The following EIF2B4 variants were observed in gnomAD, a reference collection of about 807,000 sequenced individuals.
EIF2B4 encodes the protein eukaryotic translation initiation factor 2B subunit delta.
EIF2B4 carries 34 observed loss-of-function variants against 66.7 expected under a neutral mutation model. The ratio of observed to expected loss-of-function variants is 0.51; its 90% CI spans 0.39 to 0.68. The LOEUF is 0.68. EIF2B4 is among the 30% of genes least tolerant of loss of function. EIF2B4 has a pLI of 0.00. For synonymous variants in EIF2B4, 278 were observed against 253.6 expected (o/e 1.10, Z -0.92); for missense variants, 618 against 657.9 (o/e 0.94, Z 0.66).
At chr2:27,367,624 T>A (rs968349549) in intron 8 of EIF2B4, 65 bp from the exon 9 acceptor site, 36 of 1,584,892 alleles carry the variant, frequency 2.3e-5, no homozygotes, top group South Asian at 4.4e-5. Flanking sequence ...CCTTCACATT[T>A]AAAAAAAAAG....
At chr2:27,369,851 G>A (rs1295661620) in intron 2 of EIF2B4, 25 bp downstream of exon 2, 1 of 1,563,288 alleles carries the variant, frequency 6.4e-7, no homozygotes, top group East Asian at 2.4e-5. Context: ...CTTGGCAGGC[G>A]GCTTGGGAGG....
At chr2:27,366,461 A>G (rs908636893) in intron 11 of EIF2B4, 5 of 420,942 alleles carry the variant, frequency 1.2e-5, no homozygotes, top group South Asian at 4.4e-5. Context: ...GACAGGGGGA[A>G]CTGCTTGAGC....
chr2:27,369,806 G>C (rs577206974), intron 2 of EIF2B4, 70 bp downstream of exon 2: 1 of 1,517,472 alleles, frequency 6.6e-7, no homozygotes, highest in East Asian at 2.5e-5. Flanking sequence ...TGGGAGCTGG[G>C]GCGGAATAAA....
At position 27,369,460 on chromosome 2, in the gene EIF2B4, C is replaced by A. The variant is rs768953969; in HGVS notation, c.165G>T (p.Gly55=). 6.2e-7 allele frequency: 1 copy of A among 1,614,030 alleles called. No individual in the cohort carries two copies. The highest frequency in any genetic ancestry group is 8.5e-7 in the Non-Finnish European group (1 of 1,180,018). Residue 55 remains glycine, a synonymous_variant, in exon 3 of 13, where the codon GGG becomes GGT. Coordinates refer to ENST00000347454, the MANE Select transcript of EIF2B4 (RefSeq NM_001034116.2). The part of the protein sequence containing the change: ...QQKKKRKEEK[G]AEPETGSAVS... ...CAGCAGAGCCAGTCTCTGGTTCTGC[C>A]CCCTTTTCTTCCTTCCGTTTCTTCT...
Position 27,366,754 on chromosome 2 carries a change from C to T in EIF2B4, c.1191+5G>A, listed in dbSNP as rs1445422593. 6.2e-7 allele frequency: 1 copy of T among 1,614,194 alleles called. No individual in the cohort carries two copies. The highest frequency in any genetic ancestry group is 1.1e-5 in the South Asian group (1 of 91,084). The stretch of plus-strand genomic sequence containing the variant: ...AACTTTGGAGTCCTTTTCCTCTGTA[C>T]TTACCTCTGGGAGCACATAGGAGGC... On this transcript the variant is annotated splice_donor_5th_base_variant and intron_variant, in intron 11 of 12. Transcript: ENST00000347454.
chr2:27,367,257 G>A, intron 9 of EIF2B4, 56 bp from the exon 10 acceptor site: 2 of 1,612,648 alleles, frequency 1.2e-6, no homozygotes, highest in Non-Finnish European at 1.7e-6. Context: ...TCCCTCTGAT[G>A]ATCATGCCAG....
Position 27,368,133 on chromosome 2 carries a change from T to C in EIF2B4, c.597A>G (p.Pro199=). ...CCATGGCTGGGTGGATCACAGAGGA[T>C]GGGATGCTGATGGGATGGCGGTGTC... ...QNSLTQFMSI[P]SSVIHPAMVR... is the part of the protein sequence containing the mutation. The change falls in exon 7 of 13, where the codon CCA becomes CCG. Residue 199 remains proline, a synonymous_variant. Coordinates refer to ENST00000347454, the MANE Select transcript of EIF2B4 (RefSeq NM_001034116.2). 6.3e-7 allele frequency: 1 copy of C among 1,589,472 alleles called. No individual in the cohort carries two copies. Among genetic ancestry groups the C allele is most frequent in the East Asian group, 2.3e-5 (1 of 43,856 alleles).
rs1219202079 is a variant in EIF2B4 at position 27,364,746 on chromosome 2, C to A, written c.1344G>T (p.Gln448His). The A allele has an allele frequency of 2.5e-6, 4 of 1,614,094 alleles. No individual in the cohort carries two copies. Among genetic ancestry groups the A allele is most frequent in the Non-Finnish European group, 3.4e-6 (4 of 1,180,046 alleles). The change falls in exon 12 of 13, where the codon CAG (glutamine) becomes CAT (histidine). Residue 448 changes from glutamine to histidine, a missense_variant. Around this residue, in one of 4 missense-constraint regions of EIF2B4, gnomAD observed 36 missense variants for 65.5 expected, o/e 0.55. Coordinates refer to ENST00000347454, the MANE Select transcript of EIF2B4 (RefSeq NM_001034116.2). ...CETYKFCERV[Q>H]TDAFVSNELD... ...GCTCATTAGAGACAAAGGCATCAGT[C>A]TGCACACGCTCACAGAACTTGTATG...
chr2:27,368,628 A>T lies in EIF2B4; in HGVS notation c.498+26T>A, dbSNP rs1682047253. ...CAGTCCATTTCCCTAGGCTCTTTCTAGCCAGGCACCAAACCCACTTCCTAC... is the reference window on the plus strand; with the variant it reads ...CAGTCCATTTCCCTAGGCTCTTTCTTGCCAGGCACCAAACCCACTTCCTAC... On this transcript the variant is annotated intron_variant, in intron 5 of 12. Coordinates refer to ENST00000347454, the MANE Select transcript of EIF2B4 (RefSeq NM_001034116.2). 1.9e-6 allele frequency: 3 copies of T among 1,613,772 alleles called. No homozygotes were observed. In the African/African-American group the frequency reaches 4.0e-5, roughly 22 times the overall value.
intron 5 of EIF2B4, 56 bp downstream of exon 5, chr2:27,368,594 TCCTC>T: frequency 1.2e-6 from 2 of 1,603,958 alleles, no homozygotes; most frequent in East Asian, 2.2e-5. Flanking sequence ...CCAGCACCTT[TCCTC>T]CCTCCAGTCC....
At chr2:27,369,946 G>A (rs371092853) in intron 1 of EIF2B4, 27 bp from the exon 2 acceptor site, 17 of 1,567,714 alleles carry the variant, frequency 1.1e-5, no homozygotes, top group Non-Finnish European at 1.5e-5. Flanking sequence ...GGCACAAAGT[G>A]AGCCAGAGAG....
At chr2:27,367,044 A>G (rs1468670809) in intron 10 of EIF2B4, 30 bp downstream of exon 10, 18 of 1,613,990 alleles carry the variant, frequency 1.1e-5, no homozygotes, top group South Asian at 2.2e-5. Context: ...CCAACTCCCA[A>G]TCTGCTCAGT....
At chr2:27,368,876 A>G in intron 4 of EIF2B4, 130 bp downstream of exon 4, 1 of 1,421,342 alleles carries the variant, frequency 7.0e-7, no homozygotes, top group Middle Eastern at 1.8e-4. Flanking sequence ...GGGATAGGAT[A>G]ATGGGGTTGC....
In EIF2B4 at chr2:27,364,481, C is replaced by T; in HGVS notation, c.1491G>A (p.Val497=). 1.2e-6 allele frequency: 2 copies of T among 1,614,172 alleles called. No homozygotes were observed. ...TCCCCAGCTCCGTGATCACCAGATC[C>T]ACAAGCTCTGGGGGAGTCACATCAT... ...LVYDVTPPEL[V]DLVITELGMI... Residue 497 remains valine (V), a synonymous_variant, in exon 13 of 13, where the codon GTG becomes GTA. Transcript: ENST00000347454.
chr2:27,368,792 C>G, intron 4 of EIF2B4, 59 bp from the exon 5 acceptor site: 2 of 1,586,226 alleles, frequency 1.3e-6, no homozygotes, highest in Non-Finnish European at 1.7e-6. Flanking sequence ...GTAATTTGCT[C>G]TTAGGGTATA....
rs1681922911 is a variant in EIF2B4, at chr2:27,367,163, C to A, written c.924G>T (p.Val308=). ...SELRAAIDRY[V]QEKIVLAAQA... The stretch of plus-strand genomic sequence containing the variant: ...GAGCTGCTAGCACAATCTTCTCTTG[C>A]ACATACCGATCAATGGCTGCTCGAA... The change falls in exon 10 of 13, where the codon GTG becomes GTT. Residue 308 remains valine (V), a synonymous_variant. Transcript: ENST00000347454. The A allele has an allele frequency of 6.2e-7, 1 of 1,614,086 alleles. No homozygotes were observed. Among genetic ancestry groups the A allele is most frequent in the Non-Finnish European group, 8.5e-7 (1 of 1,180,050 alleles).
intron 11 of EIF2B4, 142 bp downstream of exon 11, chr2:27,366,617 T>G (rs903095573): frequency 3.1e-6 from 3 of 962,828 alleles, no homozygotes; most frequent in Non-Finnish European, 4.9e-6. Flanking sequence ...AGGTCAAGAC[T>G]GCAGTGAGCT....
intron 4 of EIF2B4, 80 bp downstream of exon 4, chr2:27,368,926 G>T: frequency 6.4e-7 from 1 of 1,554,978 alleles, no homozygotes; most frequent in Non-Finnish European, 8.9e-7. Context: ...AATGAGAGGG[G>T]AGAGCTGTTT....
intron 2 of EIF2B4, 40 bp downstream of exon 2, chr2:27,369,836 T>A (rs775239055): frequency 6.4e-7 from 1 of 1,552,638 alleles, no homozygotes; most frequent in South Asian, 1.2e-5. Context: ...GCCTCCTGCG[T>A]AGCGCTTGGC....
Sources: gnomAD v4.1 joint callset for allele counts on GRCh38, gnomAD v4.1.1 for gene constraint, gnomAD v4.1.1 regional missense constraint, MANE v1.5 for transcripts, NCBI Gene and HGNC (gene_info 2026-07-23, HGNC 2026-07-21) for gene names.